The following ITGA11 variants were observed in gnomAD, a reference collection of about 807,000 sequenced individuals.
ITGA11 encodes integrin alpha-11.
In ITGA11, 97 loss-of-function variants were observed where a neutral mutation model predicts 141.9. That is an observed-to-expected ratio of 0.68 (90% confidence interval 0.58 to 0.81). The LOEUF (loss-of-function observed/expected upper bound fraction) is 0.81, where lower values mean the gene tolerates loss of function less well. Among genes scored for constraint, ITGA11 ranks in the 30% least tolerant of loss-of-function variants. The probability of loss-of-function intolerance (pLI) is 0.00; values close to 1 mark genes in which losing one functional copy is unlikely to be tolerated. For missense variants in ITGA11, 1,387 were observed against 1,559.2 expected, an observed-to-expected ratio of 0.89 and a Z score of 1.86; for synonymous variants, 658 against 624.6, an observed-to-expected ratio of 1.05 and a Z score of -0.80.
rs1893097349 is a variant in ITGA11, at chr15:68,303,596, G to A, written c.3495+176C>T. On this transcript the variant is annotated intron_variant, in intron 29 of 29. Transcript: ENST00000315757. This position sits in a 1 kb window ranked among gnomAD's most constrained non-coding sequence, Gnocchi z 5.3. ...CTCAAAGGCATCCACAAACAGGTTA[G>A]AGCCATAGTCTGAGTGCCGTCTGTT... Among the ~76,000 whole-genome samples, 1 of 151,786 alleles carries A rather than the reference G, an allele frequency of 6.6e-6. No homozygotes were observed. The highest frequency in any genetic ancestry group is 1.5e-5 in the Non-Finnish European group (1 of 67,966).
intron 26 of ITGA11, among the ~76,000 whole-genome samples, chr15:68,309,713 C>T (rs920961400): frequency 6.6e-6 from 1 of 151,340 alleles, no homozygotes; most frequent in Non-Finnish European, 1.5e-5. Flanking sequence ...TCTTGCCCAG[C>T]CCGAGTCGCT....
At position 68,313,822 on chromosome 15, in the gene ITGA11, A is replaced by C; in HGVS notation, c.2839T>G (p.Leu947Val). The change falls in exon 23 of 30, where the codon TTA (leucine) becomes GTA (valine). Residue 947 changes from leucine (L) to valine (V), a missense_variant. Physicochemically the swap from Leu to Val is conservative, Grantham distance 32. Transcript: ENST00000315757. ...GCCTCGTATTTGAGGTGGAAGCGTAAGGGGGCCACGTTGTCTTCCTTGGTG... is the reference window on the plus strand; with the variant it reads ...GCCTCGTATTTGAGGTGGAAGCGTACGGGGGCCACGTTGTCTTCCTTGGTG... ...DSTKEDNVAP[L>V]RFHLKYEADV... The C allele has an allele frequency of 6.2e-7, 1 of 1,613,970 alleles. No homozygotes were observed.
Position 68,358,079 on chromosome 15 carries a change from A to T in ITGA11, c.600+379T>A, listed in dbSNP as rs73431839. Reference sequence around the variant, plus strand: ...GGCAGCGTTTCAGATATATGAGCCTAGCAGCCCTTACCTCTCCTACCATCT... The same window carrying T: ...GGCAGCGTTTCAGATATATGAGCCTTGCAGCCCTTACCTCTCCTACCATCT... On this transcript the variant is annotated intron_variant, in intron 6 of 29. Coordinates refer to ENST00000315757, the MANE Select transcript of ITGA11 (RefSeq NM_001004439.2). Among the ~76,000 whole-genome samples the T allele has an allele frequency of 1.7e-3, 261 of 152,324 alleles. 1 individual carries two copies. The highest frequency in any genetic ancestry group is 6.1e-3 in the African/African-American group (254 of 41,578).
intron 2 of ITGA11, among the ~76,000 whole-genome samples, chr15:68,378,982 A>G (rs1256074731): frequency 6.6e-6 from 1 of 152,220 alleles, no homozygotes. Context: ...AGGTGACTGC[A>G]AAGGAAGTTC....
Position 68,426,315 on chromosome 15 carries a change from G to A in ITGA11, c.52+5700C>T, listed in dbSNP as rs138118607. On this transcript the variant is annotated intron_variant, in intron 1 of 29. Coordinates refer to ENST00000315757, the MANE Select transcript of ITGA11 (RefSeq NM_001004439.2). ...AAGCTCAGAGCAGGTTCTGATTAGC[G>A]GAATGGGAGCAGGCGGGGCAGACAG... Among the ~76,000 whole-genome samples, 53 of 152,314 alleles carry A rather than the reference G, an allele frequency of 3.5e-4. 1 individual carries two copies. Among genetic ancestry groups the A allele is most frequent in the South Asian group, 3.1e-3 (15 of 4,826 alleles).
At position 68,420,458 on chromosome 15, in the gene ITGA11, C is replaced by A. The variant is rs186356730; in HGVS notation, c.52+11557G>T. Among the ~76,000 whole-genome samples, 18 of 152,336 alleles carry A rather than the reference C, an allele frequency of 1.2e-4. No homozygotes were observed. The East Asian group carries it at 2.1e-3, about 18-fold the overall frequency. On this transcript the variant is annotated intron_variant, in intron 1 of 29. Transcript: ENST00000315757. ...CCAGAGCCCTTCCTCCCTTCAGCAA[C>A]CTTCCTCGCTCTGCCCATTTGTAAG...
intron 10 of ITGA11, 98 bp downstream of exon 10, chr15:68,348,732 C>G: frequency 9.5e-7 from 1 of 1,052,278 alleles, no homozygotes; most frequent in South Asian, 1.4e-5. Context: ...GCCAACCCAT[C>G]TGTGAAGGTG....
chr15:68,382,679 T>G (rs2140378802), intron 2 of ITGA11, among the ~76,000 whole-genome samples: 1 of 152,344 alleles, frequency 6.6e-6, no homozygotes, highest in Non-Finnish European at 1.5e-5. Context: ...GCATTTTATT[T>G]TCCATCTCAT....
At chr15:68,360,917 G>A (rs981304147) in intron 5 of ITGA11, among the ~76,000 whole-genome samples, 13 of 150,674 alleles carry the variant, frequency 8.6e-5, no homozygotes, top group African/African-American at 2.5e-4. Context: ...GCCAATTCCC[G>A]AACCCTCCAT....
rs371415067 is a variant in ITGA11, at chr15:68,330,637, G to A, written c.1901+344C>T. Among the ~76,000 whole-genome samples, 33 of 152,186 alleles carry A rather than the reference G, an allele frequency of 2.2e-4. No homozygotes were observed. The East Asian group carries it at 4.2e-3, about 20-fold the overall frequency. On this transcript the variant is annotated intron_variant, in intron 15 of 29. Transcript: ENST00000315757. ...CTGTACTAGATAAACATTCCTCCAC[G>A]CCAGGGGAGAAGGAAAGGTCCTTCC...
In ITGA11 at chr15:68,358,584, C is replaced by T. The variant is rs1279830742; in HGVS notation, c.474G>A (p.Arg158=). ...FSKTVAPALQ[R]CQTYMDIVIV... is the part of the protein sequence containing the mutation. ...TGACGATGTCCATGTAGGTCTGGCA[C>T]CCTGGAAAGTGGGGACACAGTTATG... The change falls in exon 6 of 30, where the codon AGG becomes AGA. Residue 158 remains arginine (R), a splice_region_variant and synonymous_variant. Coordinates refer to ENST00000315757, the MANE Select transcript of ITGA11 (RefSeq NM_001004439.2). 1 of 1,610,198 alleles carries T rather than the reference C, an allele frequency of 6.2e-7. No individual in the cohort carries two copies. Among genetic ancestry groups the T allele is most frequent in the Non-Finnish European group, 8.5e-7 (1 of 1,178,534 alleles).
chr15:68,369,127 T>C, intron 3 of ITGA11, 57 bp downstream of exon 3: 1 of 1,269,618 alleles, frequency 7.9e-7, no homozygotes, highest in Non-Finnish European at 1.2e-6. Context: ...CATCAGAGCC[T>C]GCCTTGTGTT....
intron 20 of ITGA11, among the ~76,000 whole-genome samples, chr15:68,319,019 C>A (rs1361416779): frequency 6.6e-6 from 1 of 152,206 alleles, no homozygotes; most frequent in Admixed American, 6.5e-5. Context: ...AAGAGGCCAG[C>A]ACTTGGAGAC....
intron 2 of ITGA11, among the ~76,000 whole-genome samples, chr15:68,395,820 A>G (rs570340848): frequency 7.8e-4 from 114 of 145,742 alleles, no homozygotes; most frequent in African/African-American, 2.8e-3. Flanking sequence ...ATGTATACCT[A>G]TATATCAAAA....
chr15:68,320,805 T>C (rs1038307858), intron 19 of ITGA11, among the ~76,000 whole-genome samples: 5 of 152,272 alleles, frequency 3.3e-5, no homozygotes, highest in Non-Finnish European at 5.9e-5. Flanking sequence ...TTGAATGTGC[T>C]ATTTCTCTTT....
rs377340267 is a variant in ITGA11 at position 68,307,463 on chromosome 15, G to A, written c.3286-20C>T. The A allele has an allele frequency of 2.0e-4, 304 of 1,548,714 alleles. No individual in the cohort carries two copies. The highest frequency in any genetic ancestry group is 6.6e-4 in the Admixed American group (34 of 51,268). ...CTTGAGCTGTGCAATCAGAGGGCTC[G>A]TCAGAAGCTGGCTTGGAAGCTTTTC... On this transcript the variant is annotated intron_variant, in intron 27 of 29. Coordinates refer to ENST00000315757, the MANE Select transcript of ITGA11 (RefSeq NM_001004439.2). This position sits in a 1 kb window ranked among gnomAD's most constrained non-coding sequence, Gnocchi z 6.1.
rs1435077461 is a variant in ITGA11 at position 68,307,496 on chromosome 15, C to G, written c.3286-53G>C. On this transcript the variant is annotated intron_variant, in intron 27 of 29. Coordinates refer to ENST00000315757, the MANE Select transcript of ITGA11 (RefSeq NM_001004439.2). This position sits in a 1 kb window ranked among gnomAD's most constrained non-coding sequence, Gnocchi z 6.1. The stretch of plus-strand genomic sequence containing the variant: ...CTGGCTTGGAAGCTTTTCTTCCCGT[C>G]CCCTCCCCAGGCAGCCCCAGGTGGA... 23 of 1,521,750 alleles carry G rather than the reference C, an allele frequency of 1.5e-5. No individual in the cohort carries two copies. Among genetic ancestry groups the G allele is most frequent in the Non-Finnish European group, 2.1e-5 (23 of 1,118,234 alleles). 94.3% of individuals were successfully genotyped at this position (1,521,750 alleles called of 1,614,324 possible).
chr15:68,298,003 G>C lies in ITGA11; in HGVS notation c.*5056C>G, dbSNP rs536761664. On this transcript the variant is annotated 3_prime_UTR_variant, in exon 30 of 30. Coordinates refer to ENST00000315757, the MANE Select transcript of ITGA11 (RefSeq NM_001004439.2). ...CCAGTACTAGGGAAGCTCACCTTCAGATCTCTGCTAGGTCACTCCCTGGCT... is the reference window on the plus strand; with the variant it reads ...CCAGTACTAGGGAAGCTCACCTTCACATCTCTGCTAGGTCACTCCCTGGCT... 1.3e-5 allele frequency: 2 copies of C among 152,330 alleles called. No homozygotes were observed. Among genetic ancestry groups the C allele is most frequent in the African/African-American group, 4.8e-5 (2 of 41,576 alleles). 9.4% of individuals were successfully genotyped at this position (152,330 alleles called of 1,614,324 possible).
At chr15:68,364,244 G>A (rs969259397) in intron 4 of ITGA11, among the ~76,000 whole-genome samples, 1 of 152,054 alleles carries the variant, frequency 6.6e-6, no homozygotes, top group Non-Finnish European at 1.5e-5. Flanking sequence ...GGTAGTCTGT[G>A]TTTACTCATT....
Sources: allele counts gnomAD v4.1 joint callset (sites outside exome capture counted in the v4.1 genomes callset), GRCh38; gene constraint gnomAD v4.1.1; non-coding constraint Gnocchi (gnomAD v3.1); transcripts MANE v1.5; gene names NCBI Gene and HGNC (gene_info 2026-07-23, HGNC 2026-07-21).